The following PDLIM1 variants were observed in gnomAD, a reference collection of about 807,000 sequenced individuals.
PDLIM1 encodes the protein PDZ and LIM domain protein 1.
A neutral mutation model predicts 35.2 loss-of-function variants in PDLIM1; 25 were observed. The observed-to-expected ratio is 0.71, with a 90% CI of 0.52 to 0.99. The LOEUF (loss-of-function observed/expected upper bound fraction) is 0.99, where lower values mean the gene tolerates loss of function less well. Among genes scored for constraint, PDLIM1 ranks in the 50% least tolerant of loss-of-function variants. The pLI is 0.00. For missense variants in PDLIM1, 363 were observed against 415.3 expected (o/e 0.87, Z 1.09); for synonymous variants, 152 against 154.0 (o/e 0.99, Z 0.10).
At chr10:95,252,973 G>T (rs998873713) in intron 4 of PDLIM1, among the ~76,000 whole-genome samples, 10 of 152,092 alleles carry the variant, frequency 6.6e-5, no homozygotes, top group African/African-American at 1.9e-4. Flanking sequence ...AAAAGTACTA[G>T]AAGAAATCAT....
At chr10:95,246,774 A>AC (rs2035225103) in intron 5 of PDLIM1, among the ~76,000 whole-genome samples, 1 of 152,202 alleles carries the variant, frequency 6.6e-6, no homozygotes, top group African/African-American at 2.4e-5. Context: ...CCCCAAGCAA[A>AC]GCCAGCCCCT....
intron 5 of PDLIM1, chr10:95,238,964 A>T: frequency 3.2e-6 from 1 of 316,192 alleles, no homozygotes; most frequent in Non-Finnish European, 6.0e-6. Context: ...CCAAATTCAA[A>T]CTATATTACA....
In PDLIM1 at chr10:95,290,284, C is replaced by T. The variant is rs574470652; in HGVS notation, c.96+536G>A. Among the ~76,000 whole-genome samples, 35 of 152,268 alleles carry T rather than the reference C, an allele frequency of 2.3e-4. No individual in the cohort carries two copies. In the South Asian group the frequency reaches 6.4e-3, roughly 28 times the overall value. On this transcript the variant is annotated intron_variant, in intron 1 of 6. Transcript: ENST00000329399. The surrounding 1 kb of genome is among the most constrained non-coding windows in gnomAD (Gnocchi z 4.7). ...TTATTTCCCGAATCCAGCACATTCT[C>T]CAAAAGCCATTCGAGGGGCGAGCCT...
intron 3 of PDLIM1, among the ~76,000 whole-genome samples, chr10:95,267,306 C>A (rs1279591524): frequency 6.6e-6 from 1 of 151,924 alleles, no homozygotes; most frequent in African/African-American, 2.4e-5. Flanking sequence ...TTCAGATAGA[C>A]CAAGTTAAAA....
At chr10:95,250,841 G>A (rs1373849412) in intron 4 of PDLIM1, among the ~76,000 whole-genome samples, 1 of 152,202 alleles carries the variant, frequency 6.6e-6, no homozygotes, top group East Asian at 1.9e-4. Context: ...GAGCTGATGT[G>A]TATCTGTTTC....
At chr10:95,276,175 G>A (rs1044921481) in intron 1 of PDLIM1, among the ~76,000 whole-genome samples, 1 of 152,138 alleles carries the variant, frequency 6.6e-6, no homozygotes, top group Non-Finnish European at 1.5e-5. Context: ...GAAAAATTGT[G>A]AGTGGTTCAA....
At chr10:95,238,546 G>C in intron 6 of PDLIM1, 22 bp downstream of exon 6, 2 of 1,399,806 alleles carry the variant, frequency 1.4e-6, no homozygotes, top group South Asian at 1.2e-5. Flanking sequence ...GTCTGCAAAG[G>C]CTGTGGGAAG....
chr10:95,283,010 T>TTTTAAATAG, intron 1 of PDLIM1, among the ~76,000 whole-genome samples: 1 of 152,128 alleles, frequency 6.6e-6, no homozygotes, highest in African/African-American at 2.4e-5. Context: ...TTTAAATAGC[T>TTTTAAATAG]CCAACAGCTA....
chr10:95,240,573 C>G (rs557996697), intron 5 of PDLIM1, among the ~76,000 whole-genome samples: 1 of 152,162 alleles, frequency 6.6e-6, no homozygotes, highest in Non-Finnish European at 1.5e-5. Context: ...ATGGGATGAT[C>G]TGTGCAGCAA....
intron 3 of PDLIM1, among the ~76,000 whole-genome samples, 192 bp from the exon 4 acceptor site, chr10:95,264,255 T>C (rs1341763406): frequency 1.3e-5 from 2 of 152,034 alleles, no homozygotes; most frequent in Non-Finnish European, 2.9e-5. Flanking sequence ...TTTCCCACAA[T>C]GGGCACCTGT....
intron 4 of PDLIM1, among the ~76,000 whole-genome samples, chr10:95,263,565 A>T (rs1244150057): frequency 6.6e-6 from 1 of 152,250 alleles, no homozygotes; most frequent in Non-Finnish European, 1.5e-5. Context: ...CAATTAGAAG[A>T]TGATGACCAC....
intron 3 of PDLIM1, among the ~76,000 whole-genome samples, chr10:95,265,016 G>A (rs1653955578): frequency 6.6e-6 from 1 of 152,126 alleles, no homozygotes; most frequent in South Asian, 2.1e-4. Flanking sequence ...TCTAGGTGAT[G>A]CATGCTCTGT....
intron 1 of PDLIM1, among the ~76,000 whole-genome samples, chr10:95,282,375 T>C (rs1284671319): frequency 6.6e-6 from 1 of 152,236 alleles, no homozygotes; most frequent in Non-Finnish European, 1.5e-5. Flanking sequence ...CAGGGTGACC[T>C]GAAAACATAA....
At chr10:95,271,112 C>A (rs2035461415) in intron 2 of PDLIM1, among the ~76,000 whole-genome samples, 1 of 151,820 alleles carries the variant, frequency 6.6e-6, no homozygotes, top group African/African-American at 2.4e-5. Context: ...AAGTATCTTA[C>A]TGAAAGAAGC....
At chr10:95,265,727 C>CTGTT (rs1310147802) in intron 3 of PDLIM1, among the ~76,000 whole-genome samples, 2 of 146,934 alleles carry the variant, frequency 1.4e-5, no homozygotes, top group Non-Finnish European at 3.0e-5. Context: ...CCAGCCTGGG[C>CTGTT]AACATAGTAA....
Position 95,238,046 on chromosome 10 carries a change from CCA to C in PDLIM1, c.867_868del (p.Cys289TrpfsTer19). 1 of 1,614,142 alleles carries C rather than the reference CCA, an allele frequency of 6.2e-7. No individual in the cohort carries two copies. The highest frequency in any genetic ancestry group is 8.5e-7 in the Non-Finnish European group (1 of 1,180,004). On this transcript the variant is annotated frameshift_variant, in exon 7 of 7. Coordinates refer to ENST00000329399, the MANE Select transcript of PDLIM1 (RefSeq NM_020992.4). LOFTEE classifies it high-confidence loss of function. ...ATGGCCCTTCTGTTTCAGGTTGGTG[CCA>C]CAGTCAGTGCACACATAACACTCAG...
At chr10:95,269,014 C>T in intron 2 of PDLIM1, 152 bp from the exon 3 acceptor site, 2 of 630,636 alleles carry the variant, frequency 3.2e-6, no homozygotes, top group Non-Finnish European at 5.7e-6. Flanking sequence ...CCAGGTTGAT[C>T]TTTTAAACAC....
chr10:95,245,857 A>C (rs1269022696), intron 5 of PDLIM1, among the ~76,000 whole-genome samples: 1 of 152,186 alleles, frequency 6.6e-6, no homozygotes, highest in Non-Finnish European at 1.5e-5. Flanking sequence ...GGGTGTGTTC[A>C]GAAGAGAACT....
At chr10:95,287,155 TCAGCTGTGAG>T (rs1452873196) in intron 1 of PDLIM1, among the ~76,000 whole-genome samples, 2 of 152,188 alleles carry the variant, frequency 1.3e-5, no homozygotes, top group Admixed American at 6.5e-5. Flanking sequence ...TCTCCTTAAG[TCAGCTGTGAG>T]CAGCTGAAGT....
Sources: allele counts gnomAD v4.1 joint callset (sites outside exome capture counted in the v4.1 genomes callset), GRCh38; gene constraint gnomAD v4.1.1; non-coding constraint Gnocchi (gnomAD v3.1); transcripts MANE v1.5; gene names NCBI Gene and HGNC (gene_info 2026-07-23, HGNC 2026-07-21).